PIK3CB: variants seen among roughly 807,000 people sequenced by gnomAD.
PIK3CB encodes the protein phosphatidylinositol-4,5-bisphosphate 3-kinase catalytic subunit beta.
PIK3CB carries 39 observed loss-of-function variants against 136.8 expected under a neutral mutation model. The ratio of observed to expected loss-of-function variants is 0.29; its 90% CI spans 0.22 to 0.37. The LOEUF (loss-of-function observed/expected upper bound fraction) is 0.37. PIK3CB is among the 10% of genes least tolerant of loss of function. The pLI is 1.00. For synonymous variants in PIK3CB, 428 were observed against 436.6 expected (o/e 0.98, Z 0.25); for missense variants, 868 against 1,275.4 (o/e 0.68, Z 4.87).
intron 5 of PIK3CB, among the ~76,000 whole-genome samples, chr3:138,740,738 C>T (rs2045227879): frequency 6.6e-6 from 1 of 152,030 alleles, no homozygotes; most frequent in African/African-American, 2.4e-5. Flanking sequence ...CTGCAAACTC[C>T]GCCTTCTGGG....
In PIK3CB at chr3:138,716,893, CAAAAAAAAAAAAAA is replaced by C. The variant is rs376627250; in HGVS notation, c.1051-2188_1051-2175del. On this transcript the variant is annotated intron_variant, in intron 8 of 23. Transcript: ENST00000674063. The stretch of plus-strand genomic sequence containing the variant: ...TGGGTGACAGAGAAAGATTGTGTCT[CAAAAAAAAAAAAAA>C]AAAAAAAAAAAAAAAGCATGTTCAC... 3.4e-3 allele frequency among the ~76,000 whole-genome samples: 38 copies of C among 11,088 alleles called. 1 individual carries two copies. The South Asian group carries it at 0.091, about 26-fold the overall frequency. The allele number at this position is 11,088 out of a possible 152,430, so 7.3% of individuals were successfully genotyped here.
rs111529463 is a variant in PIK3CB at position 138,763,121 on chromosome 3, A to AGTATGTATGTATGTAT, written c.-16-3778_-16-3763dup. 3.6e-3 allele frequency among the ~76,000 whole-genome samples: 535 copies of AGTATGTATGTATGTAT among 149,560 alleles called. 3 individuals are homozygous for AGTATGTATGTATGTAT. The highest frequency in any genetic ancestry group is 0.01 in the South Asian group (48 of 4,624). On this transcript the variant is annotated intron_variant, in intron 2 of 23. Transcript: ENST00000674063. ...AAAAGCTGGAGGAAAAATGAAAGTT[A>AGTATGTATGTATGTAT]GTATGTATGTATGTATGTATGTATG... is the stretch of plus-strand genomic sequence containing the variant.
chr3:138,664,426 T>G (rs1395627568), intron 20 of PIK3CB, among the ~76,000 whole-genome samples: 5 of 151,998 alleles, frequency 3.3e-5, no homozygotes, highest in African/African-American at 4.8e-5. Context: ...CACTGCAGTT[T>G]CAAACATTTA....
chr3:138,719,693 C>T (rs2044687579), intron 8 of PIK3CB, among the ~76,000 whole-genome samples: 1 of 151,330 alleles, frequency 6.6e-6, no homozygotes, highest in African/African-American at 2.5e-5. Flanking sequence ...TTCTCCTGAG[C>T]AATTAAGAAA....
At chr3:138,733,927 C>T (rs930704391) in intron 7 of PIK3CB, among the ~76,000 whole-genome samples, 2 of 152,056 alleles carry the variant, frequency 1.3e-5, no homozygotes, top group African/African-American at 4.8e-5. Flanking sequence ...TAGCACTTGG[C>T]TTTCATGGCA....
At chr3:138,655,817 C>T (rs1189286147) in intron 23 of PIK3CB, among the ~76,000 whole-genome samples, 1 of 152,160 alleles carries the variant, frequency 6.6e-6, no homozygotes, top group African/African-American at 2.4e-5. Context: ...CTACTAAGAT[C>T]CTGGCAAGAA....
chr3:138,738,250 C>A (rs1377011062), intron 5 of PIK3CB, among the ~76,000 whole-genome samples: 1 of 152,090 alleles, frequency 6.6e-6, no homozygotes, highest in African/African-American at 2.4e-5. Flanking sequence ...TGGCTCACTG[C>A]AACCTCTGTC....
intron 1 of PIK3CB, among the ~76,000 whole-genome samples, chr3:138,799,659 C>CT (rs977495854): frequency 2.6e-5 from 4 of 152,066 alleles, no homozygotes; most frequent in Middle Eastern, 3.4e-3. Flanking sequence ...CTAACCTCAT[C>CT]TTTTTTCTTT....
intron 2 of PIK3CB, among the ~76,000 whole-genome samples, chr3:138,766,356 A>C (rs1372944589): frequency 2.0e-5 from 3 of 152,234 alleles, no homozygotes; most frequent in Non-Finnish European, 4.4e-5. Context: ...AACTCATTTC[A>C]GAATAATTCA....
intron 1 of PIK3CB, among the ~76,000 whole-genome samples, chr3:138,810,771 T>C (rs1039411367): frequency 1.3e-5 from 2 of 151,472 alleles, no homozygotes; most frequent in African/African-American, 4.9e-5. Context: ...ACAAAAAAAA[T>C]TAGCTGGGCA....
At chr3:138,803,500 A>G (rs1215428796) in intron 1 of PIK3CB, among the ~76,000 whole-genome samples, 1 of 152,194 alleles carries the variant, frequency 6.6e-6, no homozygotes, top group East Asian at 1.9e-4. Context: ...TCTCTTGCTT[A>G]TTATTACACG....
At chr3:138,681,681 A>C (rs546338469) in intron 19 of PIK3CB, among the ~76,000 whole-genome samples, 1 of 152,306 alleles carries the variant, frequency 6.6e-6, no homozygotes, top group East Asian at 1.9e-4. Flanking sequence ...CCCACAGTAC[A>C]TCTTTCAACA....
chr3:138,760,771 G>A (rs1215452396), intron 2 of PIK3CB, among the ~76,000 whole-genome samples: 1 of 152,120 alleles, frequency 6.6e-6, no homozygotes, highest in South Asian at 2.1e-4. Context: ...GCCAGGCGTA[G>A]TGGTGCATAC....
intron 8 of PIK3CB, among the ~76,000 whole-genome samples, chr3:138,716,893 CAAAAAAAAAAAAA>C (rs376627250): frequency 0.043 from 474 of 11,070 alleles, 5 homozygotes; most frequent in Non-Finnish European, 0.088. Flanking sequence ...GATTGTGTCT[CAAAAAAAAAAAAA>C]AAAAAAAAAA....
chr3:138,786,225 C>T (rs990118298), intron 2 of PIK3CB, among the ~76,000 whole-genome samples: 1 of 152,136 alleles, frequency 6.6e-6, no homozygotes, highest in Non-Finnish European at 1.5e-5. Context: ...CCAAAGGTTG[C>T]TTTAAAAATG....
At chr3:138,801,267 C>T (rs1009050101) in intron 1 of PIK3CB, among the ~76,000 whole-genome samples, 8 of 152,118 alleles carry the variant, frequency 5.3e-5, no homozygotes, top group Admixed American at 4.6e-4. Context: ...ATAATCTACA[C>T]AGGAATGAGC....
At chr3:138,704,014 C>G (rs867213031) in intron 12 of PIK3CB, among the ~76,000 whole-genome samples, 1 of 152,064 alleles carries the variant, frequency 6.6e-6, no homozygotes, top group African/African-American at 2.4e-5. Context: ...AATATTAAAC[C>G]ATGAAATAGA....
chr3:138,757,895 A>C (rs190116992), intron 3 of PIK3CB, among the ~76,000 whole-genome samples: 2 of 152,348 alleles, frequency 1.3e-5, no homozygotes, highest in Admixed American at 1.3e-4. Flanking sequence ...GTGAACCAAC[A>C]ATCACACTTC....
rs189775149 is a variant in PIK3CB, at chr3:138,740,451, A to G, written c.621+2107T>C. On this transcript the variant is annotated intron_variant, in intron 5 of 23. Transcript: ENST00000674063. ...GCCACCCAGTCTATGGTATTCTGTT[A>G]CAGCAGCCCAAACAGACTAAGACAG... Among the ~76,000 whole-genome samples the G allele has an allele frequency of 1.3e-3, 202 of 152,342 alleles. 3 individuals carry two copies. In the South Asian group the frequency reaches 0.031, roughly 24 times the overall value.
Sources: allele counts gnomAD v4.1 joint callset (sites outside exome capture counted in the v4.1 genomes callset), GRCh38; gene constraint gnomAD v4.1.1; transcripts MANE v1.5; gene names NCBI Gene and HGNC (gene_info 2026-07-23, HGNC 2026-07-21).